TGM3: variants seen among roughly 807,000 people sequenced by gnomAD.
TGM3 encodes the protein transglutaminase 3.
TGM3 carries 52 observed loss-of-function variants against 73.8 expected under a neutral mutation model. That is an observed-to-expected ratio of 0.70 (90% CI 0.56 to 0.89). TGM3 has a LOEUF of 0.89. Ranked by LOEUF, TGM3 falls within the 40% of genes least tolerant of loss-of-function variation. TGM3 has a pLI of 0.00. For synonymous variants in TGM3, 372 were observed against 354.9 expected (o/e 1.05, Z -0.54); for missense variants, 928 against 909.9 (o/e 1.02, Z -0.26).
intron 7 of TGM3, among the ~76,000 whole-genome samples, chr20:2,321,122 C>T (rs1568628402): frequency 6.6e-6 from 1 of 152,204 alleles, no homozygotes; most frequent in African/African-American, 2.4e-5. Context: ...GAGGAAGTGA[C>T]AGAGAGTGGT....
intron 3 of TGM3, 102 bp downstream of exon 3, chr20:2,310,519 G>T (rs199744371): frequency 8.8e-7 from 1 of 1,140,026 alleles, no homozygotes; most frequent in African/African-American, 1.7e-5. Context: ...ATTAGGGAAA[G>T]TCCATGGGCT....
In TGM3 at chr20:2,328,034, C is replaced by T; in HGVS notation, c.1088-86C>T. The T allele has an allele frequency of 6.3e-7, 1 of 1,575,394 alleles. No homozygotes were observed. Among genetic ancestry groups the T allele is most frequent in the Non-Finnish European group, 8.7e-7 (1 of 1,155,580 alleles). On this transcript the variant is annotated intron_variant, in intron 8 of 12. Coordinates refer to ENST00000381458, the MANE Select transcript of TGM3 (RefSeq NM_003245.4). The surrounding 1 kb of genome is among the most constrained non-coding windows in gnomAD (Gnocchi z 5.2). The stretch of plus-strand genomic sequence containing the variant: ...TGGGCGGGGCAGAGGCAGGGGGTTG[C>T]AGTGGTCCTGGAAGGCCCTGGGGAA...
chr20:2,317,366 G>T lies in TGM3; in HGVS notation c.864G>T (p.Gly288=). Residue 288 remains glycine (G), a synonymous_variant, in exon 7 of 13, where the codon GGG becomes GGT. Coordinates refer to ENST00000381458, the MANE Select transcript of TGM3 (RefSeq NM_003245.4). ...GACTTGCAGCGCTGCGGTCTTTGGGGATTCCTTCCCGGGTGATCACCAACT... is the reference window on the plus strand; with the variant it reads ...GACTTGCAGCGCTGCGGTCTTTGGGTATTCCTTCCCGGGTGATCACCAACT... ...GTLNTALRSL[G]IPSRVITNFN... is the part of the protein sequence containing the mutation. 14 of 1,614,192 alleles carry T rather than the reference G, an allele frequency of 8.7e-6. No individual in the cohort carries two copies. Among genetic ancestry groups the T allele is most frequent in the African/African-American group, 6.7e-5 (5 of 75,048 alleles).
chr20:2,339,667 C>T (rs959881637), intron 11 of TGM3, among the ~76,000 whole-genome samples, 187 bp from the exon 12 acceptor site: 6 of 152,104 alleles, frequency 3.9e-5, no homozygotes, highest in African/African-American at 1.4e-4. Context: ...TGGGACCATC[C>T]TGTGTATTGG....
At chr20:2,339,813 A>T (rs1397982552) in intron 11 of TGM3, 41 bp from the exon 12 acceptor site, 1 of 1,612,490 alleles carries the variant, frequency 6.2e-7, no homozygotes, top group Non-Finnish European at 8.5e-7. Flanking sequence ...GCAGGGGCTG[A>T]GCAGCTGGAG....
chr20:2,307,948 G>A (rs2084183895), intron 1 of TGM3, among the ~76,000 whole-genome samples: 1 of 152,150 alleles, frequency 6.6e-6, no homozygotes, highest in African/African-American at 2.4e-5. Context: ...GGGGCCGGGT[G>A]CAGTGGCTCA....
At chr20:2,340,274 G>T (rs1004819471) in intron 12 of TGM3, among the ~76,000 whole-genome samples, 160 bp from the exon 13 acceptor site, 1 of 152,162 alleles carries the variant, frequency 6.6e-6, no homozygotes, top group African/African-American at 2.4e-5. Flanking sequence ...GAGTTCCAGG[G>T]CTGGAGGGGC....
chr20:2,326,790 C>G (rs371599119), intron 8 of TGM3, among the ~76,000 whole-genome samples: 96 of 151,730 alleles, frequency 6.3e-4, no homozygotes, highest in African/African-American at 2.2e-3. Flanking sequence ...GAGGTAAAGC[C>G]GTGAGCCGAG....
At chr20:2,314,993 A>G (rs763640986) in intron 5 of TGM3, among the ~76,000 whole-genome samples, 1 of 152,174 alleles carries the variant, frequency 6.6e-6, no homozygotes, top group Admixed American at 6.5e-5. Flanking sequence ...GAGCCTGGCA[A>G]GAAAGGAGTA....
chr20:2,331,462 GA>G (rs2084320478), intron 9 of TGM3, among the ~76,000 whole-genome samples: 1 of 152,084 alleles, frequency 6.6e-6, no homozygotes, highest in South Asian at 2.1e-4. Flanking sequence ...CCGACCATGG[GA>G]AGTCCTTGTC....
At chr20:2,310,707 G>A (rs146149314) in intron 3 of TGM3, among the ~76,000 whole-genome samples, 1 of 152,330 alleles carries the variant, frequency 6.6e-6, no homozygotes, top group African/African-American at 2.4e-5. Context: ...GCATAGCATG[G>A]TTCATTTTAA....
In TGM3 at chr20:2,335,141, G is replaced by A. The variant is rs763560962; in HGVS notation, c.1668G>A (p.Ser556=). ...EEEAEHPIKI[S]YAQYEKYLKS... ...AGGCAGAACATCCCATAAAGATCTCGTACGCTCAGTATGAGAAGTACCTGA... is the reference window on the plus strand; with the variant it reads ...AGGCAGAACATCCCATAAAGATCTCATACGCTCAGTATGAGAAGTACCTGA... Residue 556 remains serine, a synonymous_variant, in exon 11 of 13, where the codon TCG becomes TCA. Coordinates refer to ENST00000381458, the MANE Select transcript of TGM3 (RefSeq NM_003245.4). The A allele has an allele frequency of 4.3e-5, 69 of 1,614,208 alleles. No homozygotes were observed. The highest frequency in any genetic ancestry group is 1.1e-4 in the East Asian group (5 of 44,874).
intron 11 of TGM3, 55 bp downstream of exon 11, chr20:2,335,328 C>A (rs1020517865): frequency 1.2e-5 from 20 of 1,601,924 alleles, no homozygotes; most frequent in Admixed American, 1.7e-5. Context: ...CAGCCCAGCT[C>A]CCAGGAGCCC....
At chr20:2,330,363 C>T (rs917201298) in intron 9 of TGM3, among the ~76,000 whole-genome samples, 4 of 152,208 alleles carry the variant, frequency 2.6e-5, no homozygotes, top group African/African-American at 4.8e-5. Context: ...GGCTCAGATC[C>T]GTGCACTGCC....
Position 2,328,481 on chromosome 20 carries a change from G to C in TGM3, c.1333+116G>C. ...CCCGCACTGGCAGCCAGTTCTGCCT[G>C]AATGATAGGATTGCTCCCTAGCACC... On this transcript the variant is annotated intron_variant, in intron 9 of 12. Coordinates refer to ENST00000381458, the MANE Select transcript of TGM3 (RefSeq NM_003245.4). This position sits in a 1 kb window ranked among gnomAD's most constrained non-coding sequence, Gnocchi z 5.2. 3 of 1,408,558 alleles carry C rather than the reference G, an allele frequency of 2.1e-6. No homozygotes were observed. Among genetic ancestry groups the C allele is most frequent in the Non-Finnish European group, 2.9e-6 (3 of 1,039,100 alleles). 87.3% of individuals were successfully genotyped at this position (1,408,558 alleles called of 1,614,324 possible). A position where few individuals can be genotyped will look rare whatever the true frequency, so the allele number is the denominator to read the frequency against.
rs561342141 is a variant in TGM3 at position 2,301,593 on chromosome 20, G to A, written c.7+5523G>A. On this transcript the variant is annotated intron_variant, in intron 1 of 12. Transcript: ENST00000381458. Reference sequence around the variant, plus strand: ...TATTGATACATAGTAAGCATTAGCCGTGTGAAACCTTGTGTCAGTTCCAGA... The same window carrying A: ...TATTGATACATAGTAAGCATTAGCCATGTGAAACCTTGTGTCAGTTCCAGA... Among the ~76,000 whole-genome samples, 11 of 151,726 alleles carry A rather than the reference G, an allele frequency of 7.2e-5. No homozygotes were observed. The South Asian group carries it at 1.2e-3, about 17-fold the overall frequency.
chr20:2,314,570 C>CAG (rs1491369076), intron 5 of TGM3, among the ~76,000 whole-genome samples: 9 of 146,936 alleles, frequency 6.1e-5, no homozygotes, highest in African/African-American at 2.2e-4. Flanking sequence ...CACACACACA[C>CAG]AGGAGCCAGG....
chr20:2,316,610 AAAT>A (rs200011348), intron 5 of TGM3, among the ~76,000 whole-genome samples: 3,850 of 151,594 alleles, frequency 0.025, 91 homozygotes, highest in African/African-American at 0.058. Flanking sequence ...AAATAAAAAT[AAAT>A]AAAATAAATA....
intron 1 of TGM3, among the ~76,000 whole-genome samples, chr20:2,307,691 G>A (rs552547903): frequency 2.6e-5 from 4 of 151,932 alleles, no homozygotes; most frequent in Admixed American, 6.6e-5. Context: ...CTTCATACAC[G>A]TGTACACTCC....
Sources: gnomAD v4.1 joint callset for allele counts (sites outside exome capture counted in the v4.1 genomes callset) on GRCh38, gnomAD v4.1.1 for gene constraint, Gnocchi (gnomAD v3.1) non-coding constraint, MANE v1.5 for transcripts, NCBI Gene and HGNC (gene_info 2026-07-23, HGNC 2026-07-21) for gene names.